Variants in NAA15 observed in about 807,000 individuals in gnomAD.
The protein encoded by NAA15 is N-alpha-acetyltransferase 15, NatA auxiliary subunit.
NAA15 carries 34 observed loss-of-function variants against 114.0 expected under a neutral mutation model. The ratio of observed to expected loss-of-function variants is 0.30; its 90% CI spans 0.23 to 0.40. The LOEUF is 0.40. NAA15 is among the 10% of genes least tolerant of loss of function. The probability of loss-of-function intolerance (pLI) is 1.00; values close to 1 mark genes in which losing one functional copy is unlikely to be tolerated. For synonymous variants in NAA15, 340 were observed against 338.0 expected, an observed-to-expected ratio of 1.01 and a Z score of -0.06; for missense variants, 658 against 1,004.5, an observed-to-expected ratio of 0.66 and a Z score of 4.66.
intron 1 of NAA15, among the ~76,000 whole-genome samples, chr4:139,333,841 T>A (rs1747111993): frequency 6.6e-6 from 1 of 152,116 alleles, no homozygotes; most frequent in South Asian, 2.1e-4. Context: ...ATATGGTCGC[T>A]GTGAGCTGTC....
intron 14 of NAA15, among the ~76,000 whole-genome samples, chr4:139,365,433 C>G (rs1354072428): frequency 6.6e-6 from 1 of 152,146 alleles, no homozygotes; most frequent in Non-Finnish European, 1.5e-5. Context: ...CTTGCTCTGC[C>G]TTTTACCATG....
At chr4:139,347,823 G>C (rs1249909651) in intron 6 of NAA15, among the ~76,000 whole-genome samples, 1 of 150,000 alleles carries the variant, frequency 6.7e-6, no homozygotes, top group Admixed American at 6.6e-5. Context: ...ATGAGGTCAG[G>C]AGATCGAGAC....
At chr4:139,330,696 A>G (rs1746971523) in intron 1 of NAA15, among the ~76,000 whole-genome samples, 1 of 152,176 alleles carries the variant, frequency 6.6e-6, no homozygotes, top group African/African-American at 2.4e-5. Context: ...GTATTTGGAT[A>G]TATTAGGTTT....
At chr4:139,323,775 T>C (rs1746698629) in intron 1 of NAA15, among the ~76,000 whole-genome samples, 1 of 152,250 alleles carries the variant, frequency 6.6e-6, no homozygotes, top group Non-Finnish European at 1.5e-5. Flanking sequence ...AGCTATTTTA[T>C]GTTTACTTTC....
intron 1 of NAA15, among the ~76,000 whole-genome samples, chr4:139,316,835 A>G (rs1410880693): frequency 6.6e-6 from 1 of 151,036 alleles, no homozygotes; most frequent in Non-Finnish European, 1.5e-5. Context: ...AAATAAATTA[A>G]CACCTCCCCC....
intron 1 of NAA15, among the ~76,000 whole-genome samples, chr4:139,315,026 G>T (rs2320164): frequency 0.1 from 4,716 of 46,468 alleles, 526 homozygotes; most frequent in African/African-American, 0.26. Context: ...GTTAGGTTAG[G>T]TTAGGTTAGG....
chr4:139,334,194 GT>G lies in NAA15; in HGVS notation c.76del (p.Tyr26IlefsTer5). ...GACAGAGGTGTTATGAACATAAACA[GT>G]ATAGAAATGGATTGAAATTCTGTAA... ...RILRCYEHKQ[Y>X]RNGLKFCKQI... On this transcript the variant is annotated frameshift_variant, in exon 2 of 20. Transcript: ENST00000296543. LOFTEE classifies it high-confidence loss of function. The G allele has an allele frequency of 6.2e-7, 1 of 1,600,422 alleles. No homozygotes were observed. The highest frequency in any genetic ancestry group is 1.7e-5 in the Admixed American group (1 of 57,180).
rs1301855810 is a variant in NAA15, at chr4:139,351,284, C to G, written c.905C>G (p.Ser302Cys). The G allele has an allele frequency of 1.9e-6, 3 of 1,586,730 alleles. No individual in the cohort carries two copies. Among genetic ancestry groups the G allele is most frequent in the South Asian group, 1.1e-5 (1 of 88,618 alleles). ...VPRRLPLNFL[S>C]GEKFKECLDK... is the part of the protein sequence containing the mutation. ...AGAAGGCTGCCGTTAAACTTTTTATCTGGTAAGTGAGAATAATTGCAAAGG... is the reference window on the plus strand; with the variant it reads ...AGAAGGCTGCCGTTAAACTTTTTATGTGGTAAGTGAGAATAATTGCAAAGG... Residue 302 changes from serine (S) to cysteine (C), a missense_variant and splice_region_variant, in exon 8 of 20, where the codon TCT becomes TGT. By Grantham distance (112) the Ser-to-Cys change is moderately radical. This residue lies in a region of NAA15 where 281 missense variants were observed against 389.1 expected (regional missense o/e 0.72). Coordinates refer to ENST00000296543, the MANE Select transcript of NAA15 (RefSeq NM_057175.5).
chr4:139,382,373 T>TTTA (rs1263803625), intron 17 of NAA15, among the ~76,000 whole-genome samples: 9 of 152,096 alleles, frequency 5.9e-5, no homozygotes, highest in Non-Finnish European at 1.2e-4. Context: ...TAGAGTTTTT[T>TTTA]TTAGCAGTTT....
At chr4:139,315,006 T>TTCAGTTCAGGTGAGG (rs1553992520) in intron 1 of NAA15, among the ~76,000 whole-genome samples, 1 of 101,530 alleles carries the variant, frequency 9.8e-6, no homozygotes, top group Admixed American at 9.3e-5. Flanking sequence ...TTCAGTTTAG[T>TTCAGTTCAGGTGAGG]TTAGGTTAGG....
At chr4:139,311,778 T>C (rs911693882) in intron 1 of NAA15, among the ~76,000 whole-genome samples, 2 of 151,810 alleles carry the variant, frequency 1.3e-5, no homozygotes, top group African/African-American at 4.8e-5. Flanking sequence ...TATTAAGAAA[T>C]AGACCTGTTA....
At chr4:139,323,506 T>G (rs1746691689) in intron 1 of NAA15, among the ~76,000 whole-genome samples, 1 of 152,112 alleles carries the variant, frequency 6.6e-6, no homozygotes, top group African/African-American at 2.4e-5. Flanking sequence ...TGTGGCAGAT[T>G]TCTGAAGCCT....
intron 13 of NAA15, 21 bp from the exon 14 acceptor site, chr4:139,361,703 A>G (rs894776363): frequency 2.1e-6 from 3 of 1,463,260 alleles, no homozygotes; most frequent in Non-Finnish European, 1.9e-6. Flanking sequence ...CGGTATAATA[A>G]TAAAAAGATA....
At chr4:139,303,013 A>G (rs1365282307) in intron 1 of NAA15, among the ~76,000 whole-genome samples, 2 of 152,216 alleles carry the variant, frequency 1.3e-5, no homozygotes, top group Admixed American at 6.5e-5. Flanking sequence ...AATTTATTTC[A>G]CCTGTTTGAA....
intron 1 of NAA15, among the ~76,000 whole-genome samples, chr4:139,325,120 G>T (rs1167650489): frequency 6.6e-6 from 1 of 151,478 alleles, no homozygotes; most frequent in Admixed American, 6.6e-5. Context: ...GGGGCGGGGG[G>T]TTTAGTTTTT....
chr4:139,355,873 A>G (rs1227967600), intron 10 of NAA15, among the ~76,000 whole-genome samples: 1 of 152,220 alleles, frequency 6.6e-6, no homozygotes, highest in Non-Finnish European at 1.5e-5. Flanking sequence ...AAGAATTACC[A>G]ACTGGTGATA....
intron 14 of NAA15, among the ~76,000 whole-genome samples, chr4:139,366,205 A>T (rs1748279692): frequency 6.6e-6 from 1 of 151,850 alleles, no homozygotes; most frequent in Non-Finnish European, 1.5e-5. Flanking sequence ...TGTCTAAGTG[A>T]CTCTGACTCA....
chr4:139,350,313 A>G (rs1005004325), intron 7 of NAA15, among the ~76,000 whole-genome samples: 12 of 152,110 alleles, frequency 7.9e-5, no homozygotes, highest in Non-Finnish European at 1.5e-4. Context: ...AGAAACGGAG[A>G]TATATTCTTA....
At position 139,349,748 on chromosome 4, in the gene NAA15, G is replaced by A. The variant is rs6823150; in HGVS notation, c.811+167G>A. On this transcript the variant is annotated intron_variant, in intron 7 of 19. Coordinates refer to ENST00000296543, the MANE Select transcript of NAA15 (RefSeq NM_057175.5). Reference sequence around the variant, plus strand: ...GCCTGTAATCCCAGCACTTTGGGAGGCCGAGGTGGATGGATTGCCTGAGCT... The same window carrying A: ...GCCTGTAATCCCAGCACTTTGGGAGACCGAGGTGGATGGATTGCCTGAGCT... Among the ~76,000 whole-genome samples, 40,415 of 152,030 alleles carry A rather than the reference G, an allele frequency of 0.27. 5,689 individuals carry two copies. The highest frequency in any genetic ancestry group is 0.36 in the African/African-American group (14,711 of 41,430).
Sources: gnomAD v4.1 joint callset for allele counts (sites outside exome capture counted in the v4.1 genomes callset) on GRCh38, gnomAD v4.1.1 for gene constraint, gnomAD v4.1.1 regional missense constraint, MANE v1.5 for transcripts, NCBI Gene and HGNC (gene_info 2026-07-23, HGNC 2026-07-21) for gene names.